Variants in ATIC observed in about 807,000 individuals in gnomAD.
ATIC encodes the protein bifunctional purine biosynthesis protein ATIC.
A neutral mutation model predicts 72.5 loss-of-function variants in ATIC; 64 were observed. That is an observed-to-expected ratio of 0.88 (90% CI 0.72 to 1.09). The LOEUF (loss-of-function observed/expected upper bound fraction) is 1.09, where lower values mean the gene tolerates loss of function less well. Among genes scored for constraint, ATIC ranks in the 50% least tolerant of loss-of-function variants. The probability of loss-of-function intolerance (pLI) is 0.00; values close to 1 mark genes in which losing one functional copy is unlikely to be tolerated. For synonymous variants in ATIC, 281 were observed against 267.1 expected, an observed-to-expected ratio of 1.05 and a Z score of -0.51; for missense variants, 787 against 732.4, an observed-to-expected ratio of 1.07 and a Z score of -0.86.
At chr2:215,361,184 T>C in the ATIC span, 1 of 262,360 alleles carries the variant, frequency 3.8e-6, no homozygotes, top group Non-Finnish European at 7.5e-6. Flanking sequence ...AAAGCAGAAG[T>C]GTTTGGGTGA....
intron 7 of ATIC, among the ~76,000 whole-genome samples, chr2:215,327,356 A>G (rs2106009344): frequency 6.6e-6 from 1 of 152,348 alleles, no homozygotes; most frequent in South Asian, 2.1e-4. Flanking sequence ...CCAACCTTTT[A>G]GAATGCATTT....
At chr2:215,330,026 T>G (rs1352473986) in intron 7 of ATIC, among the ~76,000 whole-genome samples, 1 of 152,106 alleles carries the variant, frequency 6.6e-6, no homozygotes, top group Non-Finnish European at 1.5e-5. Flanking sequence ...CCTCCCAAAG[T>G]GTTGGGGATT....
chr2:215,351,129 G>T (rs1027593216), downstream of ATIC, among the ~76,000 whole-genome samples: 3 of 152,136 alleles, frequency 2.0e-5, no homozygotes, highest in Non-Finnish European at 4.4e-5. Flanking sequence ...CCAAGACCAC[G>T]TTGTAAGAGT....
At chr2:215,312,215 C>CT in intron 1 of ATIC, 54 bp downstream of exon 1, 2 of 1,469,314 alleles carry the variant, frequency 1.4e-6, no homozygotes, top group Non-Finnish European at 1.8e-6. Flanking sequence ...GCCCCCCACG[C>CT]TCCCGCCTTG....
chr2:215,357,640 T>C, the ATIC span, among the ~76,000 whole-genome samples: 1 of 152,366 alleles, frequency 6.6e-6, no homozygotes, highest in East Asian at 1.9e-4. Context: ...TTGTAATTTA[T>C]ATAGGTTTCT....
At chr2:215,314,914 A>G (rs1346104519) in intron 2 of ATIC, among the ~76,000 whole-genome samples, 3 of 152,224 alleles carry the variant, frequency 2.0e-5, no homozygotes, top group Non-Finnish European at 4.4e-5. Flanking sequence ...TTATTTAACA[A>G]AGTTTTACAT....
chr2:215,361,876 TAATTA>T, the ATIC span: 1 of 1,498,432 alleles, frequency 6.7e-7, no homozygotes, highest in African/African-American at 1.4e-5. Flanking sequence ...TTTTTTTAAT[TAATTA>T]AAACACTTGG....
rs1197741258 is a variant in ATIC at position 215,349,235 on chromosome 2, G to C, written c.1645G>C (p.Asp549His). The C allele has an allele frequency of 1.9e-6, 3 of 1,614,158 alleles. No homozygotes were observed. Among genetic ancestry groups the C allele is most frequent in the African/African-American group, 1.3e-5 (1 of 75,074 alleles). ...CTTCTTCCCTTTCCGAGATAACGTAGACAGAGCTAAAAGGGTAAGTATGGA... is the reference window on the plus strand; with the variant it reads ...CTTCTTCCCTTTCCGAGATAACGTACACAGAGCTAAAAGGGTAAGTATGGA... ...DAFFPFRDNV[D>H]RAKRSGVAYI... Residue 549 changes from aspartate (D) to histidine (H), a missense_variant, in exon 15 of 16, where the codon GAC becomes CAC. By Grantham distance (81) the Asp-to-His change is moderately conservative. Coordinates refer to ENST00000236959, the MANE Select transcript of ATIC (RefSeq NM_004044.7).
rs2052819575 is a variant in ATIC, at chr2:215,325,975, T to C, written c.380-12T>C. The C allele has an allele frequency of 1.2e-6, 2 of 1,613,912 alleles. No homozygotes were observed. Among genetic ancestry groups the C allele is most frequent in the South Asian group, 2.2e-5 (2 of 91,076 alleles). On this transcript the variant is annotated splice_polypyrimidine_tract_variant and intron_variant, in intron 5 of 15. Transcript: ENST00000236959. Reference sequence around the variant, plus strand: ...GACATACAAAAATCAATAAGTCTTTTGTTCTTCAAAGGTGGAGTAACCTTA... The same window carrying C: ...GACATACAAAAATCAATAAGTCTTTCGTTCTTCAAAGGTGGAGTAACCTTA...
the ATIC span, chr2:215,364,786 G>C: frequency 1.2e-6 from 1 of 821,418 alleles, no homozygotes; most frequent in South Asian, 1.4e-5. Flanking sequence ...CTTCCGAAGG[G>C]TCTCTGCCCC....
At chr2:215,368,246 T>C in the ATIC span, among the ~76,000 whole-genome samples, 1 of 152,242 alleles carries the variant, frequency 6.6e-6, no homozygotes, top group Non-Finnish European at 1.5e-5. Flanking sequence ...GCCCATCTTT[T>C]ATTTTTCCCT....
At chr2:215,367,765 G>T in the ATIC span, 2 of 1,193,922 alleles carry the variant, frequency 1.7e-6, no homozygotes, top group Non-Finnish European at 2.5e-6. Flanking sequence ...ATGTTTGGAA[G>T]AACCTGTGTC....
intron 13 of ATIC, chr2:215,345,488 A>G (rs956075028): frequency 3.1e-5 from 5 of 159,704 alleles, no homozygotes; most frequent in African/African-American, 1.2e-4. Flanking sequence ...GTTAAGCAAG[A>G]TATTACACTT....
At chr2:215,336,010 A>C (rs1280316479) in intron 10 of ATIC, 25 bp from the exon 11 acceptor site, 1 of 1,540,940 alleles carries the variant, frequency 6.5e-7, no homozygotes, top group East Asian at 2.3e-5. Context: ...TTAAAAATAG[A>C]AATTAAAATT....
At chr2:215,366,875 T>C in the ATIC span, among the ~76,000 whole-genome samples, 1 of 152,250 alleles carries the variant, frequency 6.6e-6, no homozygotes, top group Non-Finnish European at 1.5e-5. Flanking sequence ...TGAAGTCAAA[T>C]ATTAAAATTT....
intron 2 of ATIC, among the ~76,000 whole-genome samples, chr2:215,314,257 A>G (rs1302018779): frequency 6.6e-6 from 1 of 152,234 alleles, no homozygotes; most frequent in Non-Finnish European, 1.5e-5. Flanking sequence ...CCAGCACAGT[A>G]AAGTTCACTG....
chr2:215,337,233 ACT>A (rs2052965903), intron 11 of ATIC, among the ~76,000 whole-genome samples: 1 of 151,806 alleles, frequency 6.6e-6, no homozygotes, highest in South Asian at 2.1e-4. Context: ...TGATATCAGA[ACT>A]CTGTGGAATC....
the ATIC span, among the ~76,000 whole-genome samples, chr2:215,355,483 C>T: frequency 6.6e-6 from 1 of 152,134 alleles, no homozygotes; most frequent in Non-Finnish European, 1.5e-5. Context: ...ATTCTTCCTC[C>T]CGTTGCCTTG....
chr2:215,325,156 A>G (rs1351474149), intron 4 of ATIC, 85 bp from the exon 5 acceptor site: 6 of 938,646 alleles, frequency 6.4e-6, no homozygotes, highest in Non-Finnish European at 1.1e-5. Context: ...TTACGTTAAT[A>G]GTACTGACTT....
Sources: allele counts gnomAD v4.1 joint callset (sites outside exome capture counted in the v4.1 genomes callset), GRCh38; gene constraint gnomAD v4.1.1; transcripts MANE v1.5; gene names NCBI Gene and HGNC (gene_info 2026-07-23, HGNC 2026-07-21).